Variants in MECOM observed in about 807,000 individuals in gnomAD.
MECOM encodes the protein MDS1 and EVI1 complex locus.
MECOM carries 13 observed loss-of-function variants against 116.3 expected under a neutral mutation model. That is an observed-to-expected ratio of 0.11 (90% CI 0.07 to 0.18). The LOEUF (loss-of-function observed/expected upper bound fraction) is 0.18, where lower values mean the gene tolerates loss of function less well. Ranked by LOEUF, MECOM falls within the 10% of genes least tolerant of loss-of-function variation. The pLI, the probability that MECOM is intolerant of heterozygous loss-of-function variation, is 1.00. For missense variants in MECOM, 1,299 were observed against 1,509.0 expected (o/e 0.86, Z 2.31); for synonymous variants, 528 against 535.2 (o/e 0.99, Z 0.19).
chr3:169,287,390 A>G (rs1713547270), intron 2 of MECOM, among the ~76,000 whole-genome samples: 1 of 152,214 alleles, frequency 6.6e-6, no homozygotes, highest in Admixed American at 6.5e-5. Flanking sequence ...TGCTGGAAAA[A>G]TATATACTCA....
At chr3:169,460,308 A>T (rs1747223567) in intron 1 of MECOM, among the ~76,000 whole-genome samples, 1 of 151,678 alleles carries the variant, frequency 6.6e-6, no homozygotes, top group African/African-American at 2.4e-5. Context: ...ATGTGAGAAT[A>T]TTTTTTTTTC....
chr3:169,305,116 G>C (rs1350061192), intron 2 of MECOM, among the ~76,000 whole-genome samples: 1 of 152,180 alleles, frequency 6.6e-6, no homozygotes, highest in Admixed American at 6.5e-5. Flanking sequence ...AATAGAATTA[G>C]TGAAGGCTCT....
chr3:169,340,792 AT>A (rs1724368353), intron 2 of MECOM, among the ~76,000 whole-genome samples: 4 of 152,322 alleles, frequency 2.6e-5, no homozygotes, highest in Admixed American at 2.6e-4. Context: ...GCTCAAGATG[AT>A]TTAGGGGATA....
At chr3:169,157,800 C>T (rs1742212913) in intron 2 of MECOM, among the ~76,000 whole-genome samples, 1 of 152,050 alleles carries the variant, frequency 6.6e-6, no homozygotes. Context: ...CAGTGCCCTA[C>T]AACTAGAAGG....
intron 1 of MECOM, among the ~76,000 whole-genome samples, chr3:169,412,330 AAATT>A (rs1560238824): frequency 6.6e-6 from 1 of 151,744 alleles, no homozygotes; most frequent in East Asian, 1.9e-4. Context: ...AGATAAAAAT[AAATT>A]AATTAAAAGT....
At chr3:169,414,930 G>A (rs4955649) in intron 1 of MECOM, among the ~76,000 whole-genome samples, 6,755 of 152,236 alleles carry the variant, frequency 0.044, 460 homozygotes, top group Admixed American at 0.19. Flanking sequence ...AAAATGACAG[G>A]AGAATGGAAC....
At chr3:169,426,757 A>G (rs1345359988) in intron 1 of MECOM, among the ~76,000 whole-genome samples, 1 of 152,214 alleles carries the variant, frequency 6.6e-6, no homozygotes, top group Non-Finnish European at 1.5e-5. Context: ...AAGATTGTGC[A>G]AGACAGTCTT....
At chr3:169,403,746 C>G (rs2108409648) in intron 1 of MECOM, among the ~76,000 whole-genome samples, 1 of 152,246 alleles carries the variant, frequency 6.6e-6, no homozygotes, top group South Asian at 2.1e-4. Context: ...GGCAGGGGCT[C>G]TATATTAATA....
chr3:169,594,856 A>T (rs890760922), intron 1 of MECOM, among the ~76,000 whole-genome samples: 1 of 140,894 alleles, frequency 7.1e-6, no homozygotes, highest in Non-Finnish European at 1.5e-5. Context: ...ACAGAATCTG[A>T]CCTTAAAAGC....
At chr3:169,273,759 C>A (rs1759244200) in intron 2 of MECOM, among the ~76,000 whole-genome samples, 1 of 152,044 alleles carries the variant, frequency 6.6e-6, no homozygotes, top group African/African-American at 2.4e-5. Context: ...CATAGGGCAG[C>A]AAGAAGTTCC....
intron 2 of MECOM, among the ~76,000 whole-genome samples, chr3:169,175,159 C>T (rs978242304): frequency 7.2e-5 from 11 of 152,224 alleles, no homozygotes; most frequent in South Asian, 2.1e-4. Context: ...AACAAAAGCC[C>T]GCACTTACAA....
intron 2 of MECOM, among the ~76,000 whole-genome samples, chr3:169,372,155 T>C (rs1040340212): frequency 2.0e-5 from 3 of 152,060 alleles, no homozygotes; most frequent in Admixed American, 2.0e-4. Context: ...TTATGTTCTA[T>C]GTGTAAATGT....
At chr3:169,334,319 A>C (rs2149779901) in intron 2 of MECOM, among the ~76,000 whole-genome samples, 1 of 152,296 alleles carries the variant, frequency 6.6e-6, no homozygotes, top group African/African-American at 2.4e-5. Context: ...TGATGTGCTA[A>C]TTGGGTTCAA....
chr3:169,340,283 G>A (rs151083834), intron 2 of MECOM, among the ~76,000 whole-genome samples: 56 of 152,184 alleles, frequency 3.7e-4, no homozygotes, highest in African/African-American at 1.2e-3. Context: ...CCTTATCTAC[G>A]GGTTGCCGCT....
chr3:169,330,226 G>A (rs1486912324), intron 2 of MECOM, among the ~76,000 whole-genome samples: 1 of 152,120 alleles, frequency 6.6e-6, no homozygotes, highest in African/African-American at 2.4e-5. Flanking sequence ...GTCTCACTAT[G>A]TTGCCTGGGC....
At chr3:169,185,074 C>T (rs1002823378) in intron 2 of MECOM, among the ~76,000 whole-genome samples, 5 of 152,012 alleles carry the variant, frequency 3.3e-5, no homozygotes, top group African/African-American at 9.7e-5. Context: ...CTTTATTTGA[C>T]GTGGGGCAAA....
chr3:169,263,116 TATATATA>T (rs1757786275), intron 2 of MECOM, among the ~76,000 whole-genome samples: 1 of 100,058 alleles, frequency 1.0e-5, no homozygotes, highest in African/African-American at 5.1e-5. Context: ...TATATATATA[TATATATA>T]TATATGTTTT....
chr3:169,497,583 C>G (rs1156387924), intron 1 of MECOM, among the ~76,000 whole-genome samples: 3 of 152,134 alleles, frequency 2.0e-5, no homozygotes, highest in African/African-American at 7.2e-5. Context: ...GTCTCAAACT[C>G]CTGACCTCAG....
chr3:169,103,922 G>T (rs9290359), intron 10 of MECOM, among the ~76,000 whole-genome samples: 4,159 of 152,022 alleles, frequency 0.027, 199 homozygotes, highest in African/African-American at 0.096. Flanking sequence ...TTTCATGCCC[G>T]GACTCCTAAT....
Sources: allele counts gnomAD v4.1 joint callset (sites outside exome capture counted in the v4.1 genomes callset), GRCh38; gene constraint gnomAD v4.1.1; transcripts MANE v1.5; gene names NCBI Gene and HGNC (gene_info 2026-07-23, HGNC 2026-07-21).